PRPF39: variants seen among roughly 807,000 people sequenced by gnomAD.
PRPF39 encodes the protein pre-mRNA processing factor 39, also known as pre-mRNA-processing factor 39.
A neutral mutation model predicts 82.1 loss-of-function variants in PRPF39; 27 were observed. The observed-to-expected ratio is 0.33, with a 90% CI of 0.24 to 0.45. PRPF39 has a LOEUF of 0.45. Ranked by LOEUF, PRPF39 falls within the 20% of genes least tolerant of loss-of-function variation. PRPF39 has a pLI of 1.00. For missense variants in PRPF39, 581 were observed against 796.9 expected (o/e 0.73, Z 3.26); for synonymous variants, 261 against 256.4 (o/e 1.02, Z -0.17).
intron 4 of PRPF39, among the ~76,000 whole-genome samples, chr14:45,101,207 G>A (rs1160912193): frequency 6.6e-6 from 1 of 152,144 alleles, no homozygotes; most frequent in Admixed American, 6.5e-5. Context: ...TATTCTAGAT[G>A]AATAGTAGAA....
chr14:45,110,980 T>C lies in PRPF39; in HGVS notation c.1572+163T>C. 1 of 718,866 alleles carries C rather than the reference T, an allele frequency of 1.4e-6. No individual in the cohort carries two copies. Among genetic ancestry groups the C allele is most frequent in the Non-Finnish European group, 2.2e-6 (1 of 455,938 alleles). 44.5% of individuals were successfully genotyped at this position (718,866 alleles called of 1,614,324 possible). On this transcript the variant is annotated intron_variant, in intron 10 of 13. Transcript: ENST00000355765. The surrounding 1 kb of genome is among the most constrained non-coding windows in gnomAD (Gnocchi z 4.0). ...AACTGATGTTGCCATTTAAAAATTT[T>C]TTTCAAATTGTTTTGAATTAAAAGT...
At chr14:45,095,832 T>G (rs1414678523) in intron 2 of PRPF39, 5 of 492,530 alleles carry the variant, frequency 1.0e-5, no homozygotes, top group Non-Finnish European at 1.6e-5. Flanking sequence ...GTTGGCAAAA[T>G]TAGTTCCTTC....
intron 1 of PRPF39, among the ~76,000 whole-genome samples, chr14:45,093,712 C>T (rs868854477): frequency 3.3e-5 from 5 of 152,032 alleles, no homozygotes; most frequent in East Asian, 1.9e-4. Flanking sequence ...TGTGCCACCA[C>T]GCCCGGCTAA....
chr14:45,112,484 T>C lies in PRPF39; in HGVS notation c.1739T>C (p.Phe580Ser). ...SQRKVEFLEDFGSDVNKLLNA... is the reference protein window; with the variant it reads ...SQRKVEFLEDSGSDVNKLLNA... ...AGAAAAGTGGAATTTCTTGAAGATTTTGGTTCCGATGTTAATAAGTAAGAT... is the reference window on the plus strand; with the variant it reads ...AGAAAAGTGGAATTTCTTGAAGATTCTGGTTCCGATGTTAATAAGTAAGAT... Residue 580 changes from phenylalanine (F) to serine (S), a missense_variant, in exon 11 of 14, where the codon TTT becomes TCT. By Grantham distance (155) the Phe-to-Ser change is radical. Transcript: ENST00000355765. 6.6e-7 allele frequency: 1 copy of C among 1,517,858 alleles called. No individual in the cohort carries two copies. The highest frequency in any genetic ancestry group is 8.8e-7 in the Non-Finnish European group (1 of 1,141,662). The allele number at this position is 1,517,858 out of a possible 1,614,324, so 94.0% of individuals were successfully genotyped here.
Position 45,098,913 on chromosome 14 carries a change from G to A in PRPF39, c.569+1908G>A, listed in dbSNP as rs1884286182. Among the ~76,000 whole-genome samples the A allele has an allele frequency of 1.3e-5, 2 of 152,070 alleles. 1 individual carries two copies. Among genetic ancestry groups the A allele is most frequent in the Admixed American group, 1.3e-4 (2 of 15,254 alleles). The stretch of plus-strand genomic sequence containing the variant: ...ATAACTTCTTGTTAAAGGATGCTTG[G>A]ATGAAAAAATAATTTTAAGGTTTGG... On this transcript the variant is annotated intron_variant, in intron 4 of 13. Transcript: ENST00000355765.
intron 5 of PRPF39, among the ~76,000 whole-genome samples, chr14:45,103,290 G>A (rs1412431433): frequency 1.3e-5 from 2 of 151,850 alleles, no homozygotes; most frequent in African/African-American, 2.4e-5. Flanking sequence ...CATTATTTTT[G>A]TGTTCTGTTT....
chr14:45,106,623 CA>C (rs1188941971), intron 5 of PRPF39, among the ~76,000 whole-genome samples: 1 of 151,836 alleles, frequency 6.6e-6, no homozygotes, highest in East Asian at 1.9e-4. Flanking sequence ...AGAGTATTGG[CA>C]GTTGTATATG....
intron 7 of PRPF39, among the ~76,000 whole-genome samples, chr14:45,109,044 CT>C (rs1186284600): frequency 6.6e-6 from 1 of 152,162 alleles, no homozygotes; most frequent in Non-Finnish European, 1.5e-5. Context: ...AACACCTTAA[CT>C]TTTAGTTGTC....
intron 1 of PRPF39, among the ~76,000 whole-genome samples, chr14:45,092,287 A>G (rs10146650): frequency 0.056 from 8,502 of 152,234 alleles, 799 homozygotes; most frequent in African/African-American, 0.19. Context: ...CCAGATGACT[A>G]GTGCAACTTT....
intron 1 of PRPF39, among the ~76,000 whole-genome samples, chr14:45,085,496 C>A (rs1295514106): frequency 6.6e-6 from 1 of 152,064 alleles, no homozygotes; most frequent in African/African-American, 2.4e-5. Flanking sequence ...TTTAACAAAT[C>A]TACATGGAAG....
At chr14:45,090,714 ATG>A (rs747649706) in intron 1 of PRPF39, among the ~76,000 whole-genome samples, 4 of 151,904 alleles carry the variant, frequency 2.6e-5, no homozygotes, top group Admixed American at 1.3e-4. Context: ...TTATCTCCAA[ATG>A]TGTGTGTGTA....
Position 45,107,632 on chromosome 14 carries a change from C to T in PRPF39, c.903+16C>T. 6.5e-7 allele frequency: 1 copy of T among 1,548,338 alleles called. No homozygotes were observed. Among genetic ancestry groups the T allele is most frequent in the Non-Finnish European group, 8.7e-7 (1 of 1,144,368 alleles). The stretch of plus-strand genomic sequence containing the variant: ...TCCTGCAAAGGTAACCAGTCTTATT[C>T]TAAAGTTCGTCAGTGGCCAGGTATG... On this transcript the variant is annotated intron_variant, in intron 6 of 13. Transcript: ENST00000355765.
Position 45,096,146 on chromosome 14 carries a change from T to C in PRPF39, c.368T>C (p.Ile123Thr). ...AGGAAGGCATTTGACAGATTTTTCA[T>C]ACACTATCCGTATTGCTATGGTTAC... ...AARKAFDRFF[I>T]HYPYCYGYWK... The change falls in exon 3 of 14, where the codon ATA (isoleucine) becomes ACA (threonine). Residue 123 changes from isoleucine to threonine, a missense_variant. Transcript: ENST00000355765. 1 of 1,585,310 alleles carries C rather than the reference T, an allele frequency of 6.3e-7. No homozygotes were observed. The highest frequency in any genetic ancestry group is 8.6e-7 in the Non-Finnish European group (1 of 1,164,452).
intron 5 of PRPF39, among the ~76,000 whole-genome samples, chr14:45,105,754 G>C (rs568978714): frequency 1.3e-5 from 2 of 151,888 alleles, no homozygotes; most frequent in Admixed American, 1.3e-4. Context: ...TCAAACTCCT[G>C]ACCTCAGGTG....
chr14:45,104,899 G>A (rs1238616224), intron 5 of PRPF39, among the ~76,000 whole-genome samples: 2 of 152,060 alleles, frequency 1.3e-5, no homozygotes, highest in African/African-American at 2.4e-5. Flanking sequence ...TATTCCCTGA[G>A]ACCACACAGT....
chr14:45,090,579 T>A (rs1032877969), intron 1 of PRPF39, among the ~76,000 whole-genome samples: 2 of 152,246 alleles, frequency 1.3e-5, no homozygotes, highest in African/African-American at 4.8e-5. Context: ...TAGAATAGTT[T>A]ACCATTCTTT....
chr14:45,107,403 A>T (rs760664907), intron 5 of PRPF39, 48 bp from the exon 6 acceptor site: 3 of 1,369,640 alleles, frequency 2.2e-6, no homozygotes, highest in Non-Finnish European at 3.0e-6. Flanking sequence ...TCAATATGAG[A>T]TCTAAAATTA....
In PRPF39 at chr14:45,084,990, C is replaced by T. The variant is rs113802147; in HGVS notation, c.-20+741C>T. On this transcript the variant is annotated intron_variant, in intron 1 of 13. Transcript: ENST00000355765. ...CAAATGTTGTTTTTTTCGTTTGATACTCATATGGCCTTCTGTTTGAGGACT... is the reference window on the plus strand; with the variant it reads ...CAAATGTTGTTTTTTTCGTTTGATATTCATATGGCCTTCTGTTTGAGGACT... 1.2e-4 allele frequency among the ~76,000 whole-genome samples: 18 copies of T among 152,156 alleles called. 3 individuals are homozygous for T. The highest frequency in any genetic ancestry group is 3.6e-4 in the African/African-American group (15 of 41,496).
intron 4 of PRPF39, among the ~76,000 whole-genome samples, chr14:45,098,194 C>T (rs963133154): frequency 2.6e-5 from 4 of 152,176 alleles, no homozygotes; most frequent in East Asian, 1.9e-4. Context: ...GTGGGAGGAG[C>T]GCTTGAGCCT....
Sources: allele counts gnomAD v4.1 joint callset (sites outside exome capture counted in the v4.1 genomes callset), GRCh38; gene constraint gnomAD v4.1.1; non-coding constraint Gnocchi (gnomAD v3.1); transcripts MANE v1.5; gene names NCBI Gene and HGNC (gene_info 2026-07-23, HGNC 2026-07-21).